NTM: variants seen among roughly 807,000 people sequenced by gnomAD.
The protein encoded by NTM is IgLON family member 2.
NTM carries 13 observed loss-of-function variants against 42.1 expected under a neutral mutation model. The observed-to-expected ratio is 0.31, with a 90% CI of 0.20 to 0.49. The LOEUF is 0.49. NTM is among the 20% of genes least tolerant of loss of function. The pLI, the probability that NTM is intolerant of heterozygous loss-of-function variation, is 0.99. For missense variants in NTM, 373 were observed against 452.8 expected, an observed-to-expected ratio of 0.82 and a Z score of 1.60; for synonymous variants, 187 against 179.2, an observed-to-expected ratio of 1.04 and a Z score of -0.35.
chr11:131,789,611 A>AAGGAGAAGAAGAAGAAGAAGAAGG (rs1565552675), intron 1 of NTM, among the ~76,000 whole-genome samples: 1 of 83,422 alleles, frequency 1.2e-5, no homozygotes, highest in South Asian at 3.4e-4. Flanking sequence ...GAAGAAGAAG[A>AAGGAGAAGAAGAAGAAGAAGAAGG]AGAAGAAGAA....
chr11:132,162,375 T>A (rs1255834432), intron 3 of NTM, among the ~76,000 whole-genome samples: 1 of 142,526 alleles, frequency 7.0e-6, no homozygotes, highest in Non-Finnish European at 1.5e-5. Flanking sequence ...ACTGCGTGAG[T>A]GTGTGTATGT....
At chr11:131,548,394 T>A (rs898720452) in intron 1 of NTM, among the ~76,000 whole-genome samples, 13 of 152,196 alleles carry the variant, frequency 8.5e-5, no homozygotes, top group Non-Finnish European at 1.5e-4. Flanking sequence ...ATTATTTTTT[T>A]AAAAAGCCTA....
chr11:132,277,666 C>A (rs2093782665), intron 4 of NTM, among the ~76,000 whole-genome samples: 1 of 152,056 alleles, frequency 6.6e-6, no homozygotes, highest in Non-Finnish European at 1.5e-5. Context: ...ATATCAAAAG[C>A]ATTACTTTTA....
chr11:132,061,319 G>A (rs2080637504), intron 2 of NTM, among the ~76,000 whole-genome samples: 1 of 152,144 alleles, frequency 6.6e-6, no homozygotes, highest in Non-Finnish European at 1.5e-5. Context: ...TCATCTAAAT[G>A]TCTTTATCAA....
intron 1 of NTM, among the ~76,000 whole-genome samples, chr11:131,790,859 A>G (rs1002422463): frequency 2.0e-5 from 3 of 152,200 alleles, no homozygotes; most frequent in African/African-American, 4.8e-5. Context: ...GTAAGGAGAA[A>G]AGAGAAACAT....
At chr11:131,652,070 T>A (rs954820275) in intron 1 of NTM, among the ~76,000 whole-genome samples, 2 of 137,894 alleles carry the variant, frequency 1.5e-5, no homozygotes, top group African/African-American at 5.5e-5. Flanking sequence ...ATTGGGAGCA[T>A]GTCACTCGAG....
intron 4 of NTM, among the ~76,000 whole-genome samples, chr11:132,253,430 C>T (rs1011534706): frequency 2.9e-5 from 4 of 139,894 alleles, no homozygotes; most frequent in Admixed American, 7.2e-5. Context: ...TCACACTATA[C>T]CCATTATGAA....
intron 3 of NTM, among the ~76,000 whole-genome samples, chr11:132,159,789 G>A (rs368887339): frequency 6.6e-6 from 1 of 152,320 alleles, no homozygotes; most frequent in African/African-American, 2.4e-5. Context: ...CGTGGGTGTG[G>A]GGGTAGAACT....
chr11:131,546,687 A>G (rs1233539343), intron 1 of NTM: 1 of 152,292 alleles, frequency 6.6e-6, no homozygotes, highest in Non-Finnish European at 1.5e-5. Flanking sequence ...GGGAATGTAA[A>G]TGGAGCAACC....
chr11:131,509,094 T>G (rs986820128), intron 1 of NTM, among the ~76,000 whole-genome samples: 1 of 151,908 alleles, frequency 6.6e-6, no homozygotes, highest in African/African-American at 2.4e-5. Context: ...ACCCCAAAAT[T>G]TTGTAATTTT....
chr11:131,444,310 T>C (rs539161994), intron 1 of NTM, among the ~76,000 whole-genome samples: 1 of 151,116 alleles, frequency 6.6e-6, no homozygotes, highest in Non-Finnish European at 1.5e-5. Context: ...CAACTTGACA[T>C]TATAAAAGTC....
At chr11:131,972,519 C>A (rs571837874) in intron 2 of NTM, among the ~76,000 whole-genome samples, 1 of 152,096 alleles carries the variant, frequency 6.6e-6, no homozygotes, top group Non-Finnish European at 1.5e-5. Context: ...TTTCCTCCCA[C>A]GTTGTGAGCC....
At chr11:131,582,782 C>T (rs1187233274) in intron 1 of NTM, among the ~76,000 whole-genome samples, 1 of 151,958 alleles carries the variant, frequency 6.6e-6, no homozygotes, top group Non-Finnish European at 1.5e-5. Context: ...ACAACCCCCA[C>T]GCCCCCTTCC....
chr11:131,906,313 T>A (rs1221573213), intron 1 of NTM, among the ~76,000 whole-genome samples: 5 of 152,150 alleles, frequency 3.3e-5, no homozygotes, highest in African/African-American at 1.2e-4. Flanking sequence ...ATTGTTCTTA[T>A]CTGACAGGTA....
chr11:132,173,594 A>C (rs1328962985), intron 3 of NTM, among the ~76,000 whole-genome samples: 1 of 152,208 alleles, frequency 6.6e-6, no homozygotes, highest in Non-Finnish European at 1.5e-5. Context: ...TATTCATGTG[A>C]TTACATCTGT....
intron 1 of NTM, among the ~76,000 whole-genome samples, chr11:131,531,081 C>T (rs1006486117): frequency 6.6e-6 from 1 of 152,318 alleles, no homozygotes; most frequent in South Asian, 2.1e-4. Flanking sequence ...GATGAGAAAG[C>T]TGAGGCTTTG....
intron 1 of NTM, among the ~76,000 whole-genome samples, chr11:131,666,930 C>T (rs913699018): frequency 1.1e-4 from 16 of 152,140 alleles, no homozygotes; most frequent in East Asian, 7.7e-4. Context: ...CACATCTGAG[C>T]GATTCAGCCC....
intron 1 of NTM, among the ~76,000 whole-genome samples, chr11:131,623,831 T>A (rs2062821626): frequency 6.6e-6 from 1 of 152,232 alleles, no homozygotes; most frequent in African/African-American, 2.4e-5. Flanking sequence ...TGTTAACTTA[T>A]CCATTTTGTA....
chr11:131,673,104 A>C (rs1045341200), intron 1 of NTM, among the ~76,000 whole-genome samples: 5 of 151,756 alleles, frequency 3.3e-5, no homozygotes, highest in African/African-American at 1.2e-4. Flanking sequence ...CTAAAAATAG[A>C]TGGGGATGGA....
Sources: gnomAD v4.1 joint callset for allele counts (sites outside exome capture counted in the v4.1 genomes callset) on GRCh38, gnomAD v4.1.1 for gene constraint, MANE v1.5 for transcripts, NCBI Gene and HGNC (gene_info 2026-07-23, HGNC 2026-07-21) for gene names.